Variants in CAMK2D observed in about 807,000 individuals in gnomAD.
CAMK2D encodes calcium/calmodulin-dependent protein kinase type II subunit delta.
In CAMK2D, 37 loss-of-function variants were observed where a neutral mutation model predicts 84.0. The ratio of observed to expected loss-of-function variants is 0.44; its 90% CI spans 0.34 to 0.58. CAMK2D has a LOEUF of 0.58. CAMK2D is among the 20% of genes least tolerant of loss of function. The pLI, the probability that CAMK2D is intolerant of heterozygous loss-of-function variation, is 0.02. For missense variants in CAMK2D, 448 were observed against 652.5 expected (o/e 0.69, Z 3.41); for synonymous variants, 202 against 212.5 (o/e 0.95, Z 0.43).
intron 7 of CAMK2D, among the ~76,000 whole-genome samples, chr4:113,536,010 A>G (rs1373385100): frequency 6.6e-6 from 1 of 152,158 alleles, no homozygotes; most frequent in East Asian, 1.9e-4. Flanking sequence ...TCCTGTTACA[A>G]TATATTCTTT....
rs147245785 is a variant in CAMK2D, at chr4:113,595,525, A to C, written c.275+13627T>G. On this transcript the variant is annotated intron_variant, in intron 4 of 20. Coordinates refer to ENST00000511664, the MANE Select transcript of CAMK2D (RefSeq NM_001321571.2). Reference sequence around the variant, plus strand: ...ACAGCAGTGATACAAGGGACAGGAGAGAAGACTAACATTTTGTTATTATAA... The same window carrying C: ...ACAGCAGTGATACAAGGGACAGGAGCGAAGACTAACATTTTGTTATTATAA... 1.3e-3 allele frequency among the ~76,000 whole-genome samples: 194 copies of C among 151,992 alleles called. 2 individuals are homozygous for C. Among genetic ancestry groups the C allele is most frequent in the African/African-American group, 4.5e-3 (188 of 41,440 alleles).
At chr4:113,583,962 C>A (rs1354512509) in intron 4 of CAMK2D, among the ~76,000 whole-genome samples, 1 of 152,130 alleles carries the variant, frequency 6.6e-6, no homozygotes, top group Admixed American at 6.6e-5. Context: ...CTTTACAGAT[C>A]AGAAAAACCT....
chr4:113,496,932 G>C (rs1261889315), intron 16 of CAMK2D, among the ~76,000 whole-genome samples: 1 of 152,142 alleles, frequency 6.6e-6, no homozygotes, highest in East Asian at 1.9e-4. Flanking sequence ...ATGAACTCTG[G>C]AAGCTTTTTA....
At chr4:113,659,277 T>C (rs2099217137) in intron 3 of CAMK2D, among the ~76,000 whole-genome samples, 1 of 152,164 alleles carries the variant, frequency 6.6e-6, no homozygotes, top group Non-Finnish European at 1.5e-5. Flanking sequence ...TAAACAAAGA[T>C]TTGATTTTAT....
At chr4:113,663,052 A>G (rs2099241423) in intron 2 of CAMK2D, among the ~76,000 whole-genome samples, 1 of 152,192 alleles carries the variant, frequency 6.6e-6, no homozygotes, top group South Asian at 2.1e-4. Flanking sequence ...TATCTCCATT[A>G]TATCTGGATT....
chr4:113,462,874 A>G (rs1353643109), intron 17 of CAMK2D, among the ~76,000 whole-genome samples: 2 of 152,152 alleles, frequency 1.3e-5, no homozygotes, highest in Non-Finnish European at 2.9e-5. Context: ...TTTAAAAAAG[A>G]GAATAATCTT....
intron 3 of CAMK2D, among the ~76,000 whole-genome samples, chr4:113,619,076 T>C (rs2099033941): frequency 6.6e-6 from 1 of 152,146 alleles, no homozygotes; most frequent in African/African-American, 2.4e-5. Flanking sequence ...GAACTCGTGA[T>C]CGTCCCCCTA....
At chr4:113,527,351 G>A (rs1560730472) in intron 8 of CAMK2D, among the ~76,000 whole-genome samples, 2 of 151,846 alleles carry the variant, frequency 1.3e-5, no homozygotes, top group African/African-American at 4.8e-5. Context: ...ATCCTCCTGG[G>A]TTGGCCTCCC....
intron 2 of CAMK2D, among the ~76,000 whole-genome samples, chr4:113,735,068 T>A (rs907053684): frequency 1.3e-5 from 2 of 151,572 alleles, no homozygotes; most frequent in Admixed American, 1.3e-4. Context: ...AATAAAAACG[T>A]TTGCCTGTCC....
chr4:113,674,810 GT>G (rs139645686), intron 2 of CAMK2D, among the ~76,000 whole-genome samples: 1 of 152,014 alleles, frequency 6.6e-6, no homozygotes, highest in Non-Finnish European at 1.5e-5. Flanking sequence ...TGCTTAGTGG[GT>G]TTTTTGTATC....
chr4:113,724,954 C>T (rs888030639), intron 2 of CAMK2D, among the ~76,000 whole-genome samples: 2 of 151,972 alleles, frequency 1.3e-5, no homozygotes, highest in African/African-American at 2.4e-5. Context: ...CAAACTTTGA[C>T]ATACTAAATC....
At chr4:113,600,887 G>A (rs76251202) in intron 4 of CAMK2D, among the ~76,000 whole-genome samples, 2,725 of 152,122 alleles carry the variant, frequency 0.018, 33 homozygotes, top group Non-Finnish European at 0.025. Context: ...CTCCTTCCCC[G>A]GCCTCCTGAA....
intron 4 of CAMK2D, among the ~76,000 whole-genome samples, chr4:113,578,500 G>A (rs1441141166): frequency 6.6e-6 from 1 of 152,120 alleles, no homozygotes; most frequent in African/African-American, 2.4e-5. Flanking sequence ...ATTGCTTTAA[G>A]TTATCCCTCA....
At chr4:113,536,714 T>G (rs1173553140) in intron 7 of CAMK2D, among the ~76,000 whole-genome samples, 1 of 152,210 alleles carries the variant, frequency 6.6e-6, no homozygotes, top group African/African-American at 2.4e-5. Context: ...TAAGTCTGGT[T>G]AGAAATACTA....
chr4:113,565,847 C>T (rs2098721225), intron 4 of CAMK2D, among the ~76,000 whole-genome samples: 1 of 151,910 alleles, frequency 6.6e-6, no homozygotes, highest in African/African-American at 2.4e-5. Flanking sequence ...CTGGCCTTTT[C>T]TGAACTCAAC....
chr4:113,628,176 T>G (rs1017043480), intron 3 of CAMK2D, among the ~76,000 whole-genome samples: 9 of 152,202 alleles, frequency 5.9e-5, no homozygotes, highest in Non-Finnish European at 1.2e-4. Flanking sequence ...GTTTGCATTT[T>G]GTAGATACGA....
At chr4:113,695,788 C>T (rs2099400812) in intron 2 of CAMK2D, among the ~76,000 whole-genome samples, 1 of 152,082 alleles carries the variant, frequency 6.6e-6, no homozygotes, top group African/African-American at 2.4e-5. Flanking sequence ...ACCAGATTGA[C>T]CCCATTGCCT....
chr4:113,497,933 C>A (rs544881722), intron 16 of CAMK2D, among the ~76,000 whole-genome samples: 3 of 152,266 alleles, frequency 2.0e-5, no homozygotes, highest in Non-Finnish European at 4.4e-5. Context: ...TCTCACTGAT[C>A]ACAATGTTGT....
chr4:113,688,724 T>C (rs888780673), intron 2 of CAMK2D, among the ~76,000 whole-genome samples: 1 of 151,902 alleles, frequency 6.6e-6, no homozygotes, highest in African/African-American at 2.4e-5. Context: ...ACCCTATATA[T>C]CTCTGAAGTC....
Sources: gnomAD v4.1 joint callset for allele counts (sites outside exome capture counted in the v4.1 genomes callset) on GRCh38, gnomAD v4.1.1 for gene constraint, MANE v1.5 for transcripts, NCBI Gene and HGNC (gene_info 2026-07-23, HGNC 2026-07-21) for gene names.